SLC15A5: variants seen among roughly 807,000 people sequenced by gnomAD.
SLC15A5 encodes the protein solute carrier family 15 member 5, also known as Peptide/histidine transporter ENSP00000340402.
In SLC15A5, 58 loss-of-function variants were observed where a neutral mutation model predicts 56.1. The observed-to-expected ratio is 1.03, with a 90% CI of 0.84 to 1.29. SLC15A5 has a LOEUF of 1.29. SLC15A5 is among the 50% of genes most tolerant of loss of function. The pLI, the probability that SLC15A5 is intolerant of heterozygous loss-of-function variation, is 0.00. For missense variants in SLC15A5, 681 were observed against 672.1 expected (o/e 1.01, Z -0.15); for synonymous variants, 264 against 250.5 (o/e 1.05, Z -0.51).
intron 3 of SLC15A5, among the ~76,000 whole-genome samples, chr12:16,256,883 T>A (rs1591657823): frequency 7.0e-6 from 1 of 143,804 alleles, no homozygotes; most frequent in African/African-American, 2.6e-5. Context: ...ATAATAATAA[T>A]AAATTAAATA....
intron 5 of SLC15A5, among the ~76,000 whole-genome samples, chr12:16,238,220 C>G (rs1252796220): frequency 1.3e-5 from 2 of 152,044 alleles, no homozygotes; most frequent in African/African-American, 2.4e-5. Context: ...CTTGAGTGAT[C>G]TGGTAGATAA....
intron 2 of SLC15A5, among the ~76,000 whole-genome samples, chr12:16,264,811 A>T (rs1430057559): frequency 3.9e-5 from 6 of 152,136 alleles, no homozygotes; most frequent in Non-Finnish European, 8.8e-5. Flanking sequence ...GTAAGACATG[A>T]TTTGCTCCTC....
chr12:16,190,563 A>C (rs570316171), intron 8 of SLC15A5, among the ~76,000 whole-genome samples: 1 of 152,306 alleles, frequency 6.6e-6, no homozygotes, highest in Admixed American at 6.5e-5. Flanking sequence ...CCAGTGATTG[A>C]TACATAGTAG....
chr12:16,272,168 G>T (rs1455867584), intron 2 of SLC15A5, among the ~76,000 whole-genome samples: 1 of 152,152 alleles, frequency 6.6e-6, no homozygotes, highest in East Asian at 1.9e-4. Context: ...AGAAGAGGAG[G>T]TATTATCCCC....
intron 5 of SLC15A5, among the ~76,000 whole-genome samples, chr12:16,227,230 C>T (rs905904086): frequency 5.9e-5 from 9 of 152,096 alleles, no homozygotes; most frequent in Admixed American, 6.6e-5. Context: ...CCGTAAACGG[C>T]TCACATAAAA....
At chr12:16,260,439 G>T (rs2136810892) in intron 2 of SLC15A5, among the ~76,000 whole-genome samples, 1 of 151,994 alleles carries the variant, frequency 6.6e-6, no homozygotes, top group South Asian at 2.1e-4. Context: ...GAAGTACTTG[G>T]GAGAAATAGG....
At position 16,272,794 on chromosome 12, in the gene SLC15A5, A is replaced by G; in HGVS notation, c.362-11T>C. 1.3e-6 allele frequency: 2 copies of G among 1,531,386 alleles called. No individual in the cohort carries two copies. Among genetic ancestry groups the G allele is most frequent in the African/African-American group, 1.4e-5 (1 of 72,934 alleles). The allele number at this position is 1,531,386 out of a possible 1,614,324, so 94.9% of individuals were successfully genotyped here. A position where few individuals can be genotyped will look rare whatever the true frequency, so the allele number is the denominator to read the frequency against. On this transcript the variant is annotated splice_polypyrimidine_tract_variant and intron_variant, in intron 1 of 8. Transcript: ENST00000344941. ...ATAACAAAGCAGTGCCTGTAGGTGG[A>G]GAAAAAAAAAGAGTAAATGTAGCAT...
intron 4 of SLC15A5, among the ~76,000 whole-genome samples, chr12:16,241,583 G>A (rs1243572683): frequency 6.6e-6 from 1 of 152,200 alleles, no homozygotes; most frequent in African/African-American, 2.4e-5. Flanking sequence ...TTTTGGCTGA[G>A]TACAGATGGC....
At chr12:16,255,191 C>T (rs1411737216) in intron 3 of SLC15A5, among the ~76,000 whole-genome samples, 1 of 151,754 alleles carries the variant, frequency 6.6e-6, no homozygotes, top group African/African-American at 2.4e-5. Context: ...TCATCTTATA[C>T]ACTCAGAAAA....
rs1217488161 is a variant in SLC15A5 at position 16,196,885 on chromosome 12, G to A, written c.1484-2432C>T. On this transcript the variant is annotated intron_variant, in intron 7 of 8. Coordinates refer to ENST00000344941, the MANE Select transcript of SLC15A5 (RefSeq NM_001170798.1). The surrounding 1 kb of genome is among the most constrained non-coding windows in gnomAD (Gnocchi z 4.0). Reference sequence around the variant, plus strand: ...TATGGCAAATACCAGCCTTTTGGGAGATACTACTAGATCCCCCTGGGCACA... The same window carrying A: ...TATGGCAAATACCAGCCTTTTGGGAAATACTACTAGATCCCCCTGGGCACA... Among the ~76,000 whole-genome samples the A allele has an allele frequency of 6.6e-6, 1 of 152,022 alleles. No individual in the cohort carries two copies. Among genetic ancestry groups the A allele is most frequent in the African/African-American group, 2.4e-5 (1 of 41,400 alleles).
rs1253577072 is a variant in SLC15A5, at chr12:16,194,411, C to T, written c.1526G>A (p.Ser509Asn). The change falls in exon 8 of 9, where the codon AGC (serine) becomes AAC (asparagine). Residue 509 changes from serine (S) to asparagine (N), a missense_variant. Physicochemically the swap from Ser to Asn is conservative, Grantham distance 46. Coordinates refer to ENST00000344941, the MANE Select transcript of SLC15A5 (RefSeq NM_001170798.1). ...PNTLNKGNLESFFFFLASLTL... is the reference protein window; with the variant it reads ...PNTLNKGNLENFFFFLASLTL... ...TAATGATGCCAGGAAGAAGAAGAAG[C>T]TTTCTAAATTGCCTTTGTTTAATGT... 6.5e-7 allele frequency: 1 copy of T among 1,535,124 alleles called. No homozygotes were observed. Among genetic ancestry groups the T allele is most frequent in the South Asian group, 1.2e-5 (1 of 83,904 alleles).
chr12:16,244,881 T>A, intron 3 of SLC15A5, 81 bp from the exon 4 acceptor site: 7 of 1,401,090 alleles, frequency 5.0e-6, no homozygotes, highest in Non-Finnish European at 6.8e-6. Context: ...AAGATAACGA[T>A]TCAAGGATTC....
chr12:16,223,790 A>T (rs1253868389), intron 6 of SLC15A5, among the ~76,000 whole-genome samples: 1 of 151,392 alleles, frequency 6.6e-6, no homozygotes, highest in Admixed American at 6.6e-5. Flanking sequence ...ATCTCGGCTC[A>T]CTGCAACCTC....
intron 6 of SLC15A5, 109 bp downstream of exon 6, chr12:16,224,305 T>C (rs1591647337): frequency 9.8e-7 from 1 of 1,024,266 alleles, no homozygotes; most frequent in African/African-American, 1.6e-5. Flanking sequence ...GTGGGAACTC[T>C]CTAGGAGGTG....
At chr12:16,244,532 T>G (rs1279457155) in intron 4 of SLC15A5, 48 bp downstream of exon 4, 1 of 1,481,834 alleles carries the variant, frequency 6.7e-7, no homozygotes, top group Non-Finnish European at 9.1e-7. Context: ...ACTGTTGACA[T>G]GCAATCACTT....
At chr12:16,250,665 A>G (rs1403499483) in intron 3 of SLC15A5, among the ~76,000 whole-genome samples, 1 of 151,972 alleles carries the variant, frequency 6.6e-6, no homozygotes, top group Non-Finnish European at 1.5e-5. Context: ...GATTAGGATA[A>G]GTTGGTAATA....
At position 16,224,486 on chromosome 12, in the gene SLC15A5, A is replaced by G. The variant is rs771577981; in HGVS notation, c.1279T>C (p.Ser427Pro). The G allele has an allele frequency of 1.3e-6, 2 of 1,537,322 alleles. No individual in the cohort carries two copies. The highest frequency in any genetic ancestry group is 2.4e-5 in the East Asian group (1 of 40,908). ...PLSGKVLTVS[S>P]MPCFYLILQY... ...AGAATCAGGTAGAAACAGGGCATGGAGGAAACAGTGAGAACTTTTCCTGAA... is the reference window on the plus strand; with the variant it reads ...AGAATCAGGTAGAAACAGGGCATGGGGGAAACAGTGAGAACTTTTCCTGAA... The change falls in exon 6 of 9, where the codon TCC becomes CCC. Residue 427 changes from serine (S) to proline (P), a missense_variant. Coordinates refer to ENST00000344941, the MANE Select transcript of SLC15A5 (RefSeq NM_001170798.1).
At chr12:16,223,929 G>T (rs1864213323) in intron 6 of SLC15A5, among the ~76,000 whole-genome samples, 1 of 152,168 alleles carries the variant, frequency 6.6e-6, no homozygotes, top group African/African-American at 2.4e-5. Flanking sequence ...TGTTGGCCAG[G>T]ATGGTCTTGA....
At chr12:16,220,067 T>TAACAGTTAAAAGTACTCTCGTTCC in intron 6 of SLC15A5, among the ~76,000 whole-genome samples, 1 of 152,268 alleles carries the variant, frequency 6.6e-6, no homozygotes, top group South Asian at 2.1e-4. Flanking sequence ...TCGTTGTTCT[T>TAACAGTTAAAAGTACTCTCGTTCC]AAACAGTTAA....
Sources: allele counts gnomAD v4.1 joint callset (sites outside exome capture counted in the v4.1 genomes callset), GRCh38; gene constraint gnomAD v4.1.1; non-coding constraint Gnocchi (gnomAD v3.1); transcripts MANE v1.5; gene names NCBI Gene and HGNC (gene_info 2026-07-23, HGNC 2026-07-21).